The following RAI1 variants were observed in gnomAD, a reference collection of about 807,000 sequenced individuals.
RAI1 encodes retinoic acid induced 1.
Under a neutral mutation model 123.8 loss-of-function variants are expected in RAI1, and 9 were observed. The ratio of observed to expected loss-of-function variants is 0.07; its 90% confidence interval spans 0.04 to 0.13. The LOEUF is 0.13. Among genes scored for constraint, RAI1 ranks in the 10% least tolerant of loss-of-function variants. The pLI is 1.00. For synonymous variants in RAI1, 1,231 were observed against 1,127.3 expected, an observed-to-expected ratio of 1.09 and a Z score of -1.84; for missense variants, 2,256 against 2,545.8, an observed-to-expected ratio of 0.89 and a Z score of 2.45.
intron 2 of RAI1, among the ~76,000 whole-genome samples, chr17:17,768,444 C>T (rs1379711503): frequency 1.3e-5 from 2 of 152,216 alleles, no homozygotes; most frequent in Admixed American, 6.5e-5. Flanking sequence ...CACACATCCA[C>T]GGTGCTCAAT....
rs552607632 is a variant in RAI1, at chr17:17,682,214, G to A, written c.-149+421G>A. Among the ~76,000 whole-genome samples the A allele has an allele frequency of 1.1e-4, 16 of 152,156 alleles. 1 individual carries two copies. The South Asian group carries it at 2.9e-3, about 28-fold the overall frequency. On this transcript the variant is annotated intron_variant, in intron 1 of 5. Transcript: ENST00000353383. ...GGAGGTGAGCTTTGTGAGTGCGTCC[G>A]AGGTGGGGGACGGGGAGCTGACTTC...
At chr17:17,804,383 G>A (rs1440295677) in intron 4 of RAI1, among the ~76,000 whole-genome samples, 2 of 152,080 alleles carry the variant, frequency 1.3e-5, no homozygotes, top group Admixed American at 1.3e-4. Flanking sequence ...TCCTCTCCCC[G>A]GTCCTTCCTC....
chr17:17,773,477 C>A (rs959006045), intron 2 of RAI1, among the ~76,000 whole-genome samples: 3 of 152,180 alleles, frequency 2.0e-5, no homozygotes, highest in African/African-American at 7.2e-5. Context: ...GAACCAGACC[C>A]ATAGAGTTCA....
At chr17:17,707,396 G>T (rs1428141861) in intron 1 of RAI1, among the ~76,000 whole-genome samples, 1 of 152,190 alleles carries the variant, frequency 6.6e-6, no homozygotes, top group Non-Finnish European at 1.5e-5. Context: ...TGCCAGGAAA[G>T]GCCTCCCTGA....
At chr17:17,722,811 C>A (rs915217630) in intron 1 of RAI1, among the ~76,000 whole-genome samples, 13 of 147,212 alleles carry the variant, frequency 8.8e-5, no homozygotes, top group African/African-American at 3.5e-4. Context: ...CTAGGGGAGG[C>A]GCGCGATGAA....
chr17:17,761,547 C>T (rs1326057917), intron 2 of RAI1, among the ~76,000 whole-genome samples: 12 of 152,122 alleles, frequency 7.9e-5, no homozygotes, highest in Admixed American at 7.9e-4. Context: ...CTAGGGCAGG[C>T]ATCAGTTGGA....
rs1255360823 is a variant in RAI1, at chr17:17,685,815, C to T, written c.-149+4022C>T. On this transcript the variant is annotated intron_variant, in intron 1 of 5. Coordinates refer to ENST00000353383, the MANE Select transcript of RAI1 (RefSeq NM_030665.4). This position sits in a 1 kb window ranked among gnomAD's most constrained non-coding sequence, Gnocchi z 4.0. Reference sequence around the variant, plus strand: ...TCTGCCTGCCCTGTCCTCATTCAGTCCTGTCCCCTCCAGCCACAGCTGGCA... The same window carrying T: ...TCTGCCTGCCCTGTCCTCATTCAGTTCTGTCCCCTCCAGCCACAGCTGGCA... Among the ~76,000 whole-genome samples, 2 of 152,220 alleles carry T rather than the reference C, an allele frequency of 1.3e-5. No individual in the cohort carries two copies. Among genetic ancestry groups the T allele is most frequent in the Admixed American group, 1.3e-4 (2 of 15,282 alleles).
chr17:17,765,695 A>T (rs1040826270), intron 2 of RAI1: 2 of 152,232 alleles, frequency 1.3e-5, no homozygotes, highest in African/African-American at 4.8e-5. Context: ...CTTTTAAGTC[A>T]GGGGAGGGGA....
At chr17:17,791,975 C>T (rs144025871) in intron 2 of RAI1, among the ~76,000 whole-genome samples, 62 of 152,290 alleles carry the variant, frequency 4.1e-4, no homozygotes, top group Non-Finnish European at 8.2e-4. Context: ...TTGCCTGCCC[C>T]AGCCCTCACC....
intron 2 of RAI1, among the ~76,000 whole-genome samples, chr17:17,754,648 A>T (rs751262448): frequency 6.6e-6 from 1 of 152,196 alleles, no homozygotes; most frequent in Non-Finnish European, 1.5e-5. Flanking sequence ...GCCCTCTGTA[A>T]ACTGTTATTA....
chr17:17,682,087 C>T (rs1245905350), intron 1 of RAI1, among the ~76,000 whole-genome samples: 5 of 139,392 alleles, frequency 3.6e-5, no homozygotes, highest in African/African-American at 5.5e-5. Flanking sequence ...GGCATGGGGG[C>T]GCGAGGGGCG....
Position 17,804,844 on chromosome 17 carries a change from A to T in RAI1, c.5659+995A>T, listed in dbSNP as rs896865007. Among the ~76,000 whole-genome samples, 32 of 126,800 alleles carry T rather than the reference A, an allele frequency of 2.5e-4. 1 individual carries two copies. The highest frequency in any genetic ancestry group is 7.1e-4 in the African/African-American group (14 of 19,710). 83.2% of individuals were successfully genotyped at this position (126,800 alleles called of 152,430 possible). A position where few individuals can be genotyped will look rare whatever the true frequency, so the allele number is the denominator to read the frequency against. On this transcript the variant is annotated intron_variant, in intron 4 of 5. Coordinates refer to ENST00000353383, the MANE Select transcript of RAI1 (RefSeq NM_030665.4). ...GGCTCCTAGTAGTGTTTTTATTTTT[A>T]TTTATTTATTTATTTATTTATTTAT...
At chr17:17,745,961 G>A (rs1305782966) in intron 2 of RAI1, among the ~76,000 whole-genome samples, 1 of 152,168 alleles carries the variant, frequency 6.6e-6, no homozygotes, top group Non-Finnish European at 1.5e-5. Context: ...TACCATGGCC[G>A]GGGACAGGGA....
At chr17:17,703,536 T>G (rs906589560) in intron 1 of RAI1, among the ~76,000 whole-genome samples, 4 of 152,114 alleles carry the variant, frequency 2.6e-5, no homozygotes, top group African/African-American at 9.7e-5. Flanking sequence ...TGGCTCCGGC[T>G]CTGGGGCTCA....
chr17:17,784,750 G>A (rs536990991), intron 2 of RAI1, among the ~76,000 whole-genome samples: 8 of 152,256 alleles, frequency 5.3e-5, no homozygotes, highest in Admixed American at 3.3e-4. Flanking sequence ...CTAATAGATG[G>A]GGTGACTTTG....
chr17:17,811,142 G>A lies in RAI1; in HGVS notation c.*1161G>A, dbSNP rs905360229. 7.1e-6 allele frequency: 2 copies of A among 281,860 alleles called. No homozygotes were observed. The highest frequency in any genetic ancestry group is 2.3e-5 in the African/African-American group (1 of 43,698). 17.5% of individuals were successfully genotyped at this position (281,860 alleles called of 1,614,324 possible). On this transcript the variant is annotated 3_prime_UTR_variant, in exon 6 of 6. Transcript: ENST00000353383. ...CTGTCCACGCTTCGATAGGCCTGAC[G>A]CAGCCCCCAGCCCAGGGCCGCCCTA...
At chr17:17,732,654 G>T (rs796500380) in intron 2 of RAI1, among the ~76,000 whole-genome samples, 4 of 152,286 alleles carry the variant, frequency 2.6e-5, no homozygotes, top group African/African-American at 9.6e-5. Flanking sequence ...CCGGAGCTGG[G>T]CTCTATTATC....
At chr17:17,807,303 G>C (rs937384222) in intron 4 of RAI1, among the ~76,000 whole-genome samples, 1 of 152,004 alleles carries the variant, frequency 6.6e-6, no homozygotes, top group African/African-American at 2.4e-5. Flanking sequence ...GGCTGGTCAG[G>C]CTGATCTGAT....
intron 4 of RAI1, among the ~76,000 whole-genome samples, chr17:17,805,426 A>C (rs1003251014): frequency 6.6e-6 from 1 of 151,298 alleles, no homozygotes; most frequent in Non-Finnish European, 1.5e-5. Context: ...ATCCCTCCCA[A>C]CTCTGGCCTG....
Sources: allele counts gnomAD v4.1 joint callset (sites outside exome capture counted in the v4.1 genomes callset), GRCh38; gene constraint gnomAD v4.1.1; non-coding constraint Gnocchi (gnomAD v3.1); transcripts MANE v1.5; gene names NCBI Gene and HGNC (gene_info 2026-07-23, HGNC 2026-07-21).